DYM: variants seen among roughly 807,000 people sequenced by gnomAD.
The protein encoded by DYM is dymeclin.
In DYM, 78 loss-of-function variants were observed where a neutral mutation model predicts 93.1. That is an observed-to-expected ratio of 0.84 (90% CI 0.70 to 1.01). The LOEUF is 1.01. Among genes scored for constraint, DYM ranks in the 50% least tolerant of loss-of-function variants. The probability of loss-of-function intolerance (pLI) is 0.00; values close to 1 mark genes in which losing one functional copy is unlikely to be tolerated. For missense variants in DYM, 789 were observed against 845.0 expected, an observed-to-expected ratio of 0.93 and a Z score of 0.82; for synonymous variants, 321 against 319.7, an observed-to-expected ratio of 1.00 and a Z score of -0.04.
chr18:49,259,011 C>T (rs934964371), intron 11 of DYM, among the ~76,000 whole-genome samples: 62 of 152,036 alleles, frequency 4.1e-4, no homozygotes, highest in Admixed American at 1.4e-3. Context: ...CAGGCTCAGC[C>T]GAGCACTAGA....
chr18:49,196,092 T>A (rs561727187), intron 14 of DYM, among the ~76,000 whole-genome samples: 11 of 151,772 alleles, frequency 7.2e-5, no homozygotes, highest in Admixed American at 2.6e-4. Context: ...ACCCGGCTAA[T>A]GTTTTGTATT....
At chr18:49,417,081 TG>T (rs2073077641) in intron 2 of DYM, among the ~76,000 whole-genome samples, 1 of 152,186 alleles carries the variant, frequency 6.6e-6, no homozygotes, top group Non-Finnish European at 1.5e-5. Flanking sequence ...AGAAGTCATC[TG>T]GCCACGTTTC....
chr18:49,440,516 A>T (rs2081271603), intron 1 of DYM, among the ~76,000 whole-genome samples: 1 of 51,260 alleles, frequency 2.0e-5, no homozygotes, highest in Non-Finnish European at 3.2e-5. Context: ...TATATTATAT[A>T]TTTATATAAT....
chr18:49,364,801 T>G (rs916768979), intron 5 of DYM, among the ~76,000 whole-genome samples: 2 of 152,132 alleles, frequency 1.3e-5, no homozygotes, highest in African/African-American at 4.8e-5. Context: ...ACATTCCCTC[T>G]GCCTGGAATA....
At chr18:49,124,229 G>A (rs1353591665) in intron 15 of DYM, among the ~76,000 whole-genome samples, 1 of 152,122 alleles carries the variant, frequency 6.6e-6, no homozygotes, top group Admixed American at 6.5e-5. Context: ...TTGAGGCTGG[G>A]TACAGCAGCT....
intron 2 of DYM, among the ~76,000 whole-genome samples, chr18:49,418,801 C>T (rs2073301302): frequency 6.6e-6 from 1 of 152,110 alleles, no homozygotes; most frequent in Non-Finnish European, 1.5e-5. Context: ...CACCTGCTAC[C>T]TCAAAGCCTA....
intron 1 of DYM, among the ~76,000 whole-genome samples, chr18:49,457,182 A>AG (rs2083054447): frequency 6.6e-6 from 1 of 152,194 alleles, no homozygotes; most frequent in East Asian, 1.9e-4. Flanking sequence ...TTCTGCCTGA[A>AG]GATATTCTCT....
intron 8 of DYM, among the ~76,000 whole-genome samples, chr18:49,297,467 A>C (rs2146092929): frequency 6.6e-6 from 1 of 152,312 alleles, no homozygotes; most frequent in Non-Finnish European, 1.5e-5. Flanking sequence ...GGAGTGCTGG[A>C]ATTATTTCAC....
At chr18:49,348,117 G>C (rs1282813382) in intron 6 of DYM, among the ~76,000 whole-genome samples, 1 of 152,184 alleles carries the variant, frequency 6.6e-6, no homozygotes, top group Non-Finnish European at 1.5e-5. Flanking sequence ...CATGAAATGG[G>C]TGTTAGTGTT....
At chr18:49,314,104 A>G (rs2061776144) in intron 8 of DYM, among the ~76,000 whole-genome samples, 1 of 152,178 alleles carries the variant, frequency 6.6e-6, no homozygotes, top group Non-Finnish European at 1.5e-5. Flanking sequence ...CCTATCAAAT[A>G]TTATTTTACA....
At chr18:49,325,881 C>T (rs1036240574) in intron 8 of DYM, among the ~76,000 whole-genome samples, 2 of 152,132 alleles carry the variant, frequency 1.3e-5, no homozygotes, top group African/African-American at 4.8e-5. Context: ...CAAGGGAATA[C>T]ACGAGGAGGG....
intron 13 of DYM, among the ~76,000 whole-genome samples, chr18:49,234,653 G>A (rs181660034): frequency 6.6e-6 from 1 of 152,276 alleles, no homozygotes; most frequent in African/African-American, 2.4e-5. Flanking sequence ...GCTCAAAGAT[G>A]TCTATGCCCT....
At chr18:49,212,814 GA>G (rs1040792303) in intron 13 of DYM, among the ~76,000 whole-genome samples, 29 of 147,666 alleles carry the variant, frequency 2.0e-4, no homozygotes, top group East Asian at 9.8e-4. Flanking sequence ...TTTTTAATCT[GA>G]AAAAAAAAAT....
chr18:49,193,769 T>C (rs1033716725), intron 14 of DYM, among the ~76,000 whole-genome samples: 2 of 152,230 alleles, frequency 1.3e-5, no homozygotes, highest in African/African-American at 4.8e-5. Context: ...TGTTGTGTGA[T>C]CACTGCCAAA....
chr18:49,087,646 G>A (rs1027971506), intron 17 of DYM, among the ~76,000 whole-genome samples: 1 of 152,206 alleles, frequency 6.6e-6, no homozygotes, highest in Non-Finnish European at 1.5e-5. Context: ...TAATGGGATT[G>A]CTGGGTCAAA....
chr18:49,155,708 A>G (rs985891531), intron 15 of DYM, among the ~76,000 whole-genome samples: 1 of 152,260 alleles, frequency 6.6e-6, no homozygotes, highest in African/African-American at 2.4e-5. Flanking sequence ...AGAATGTATC[A>G]GCATTTAATT....
At chr18:49,210,226 G>A (rs929568599) in intron 13 of DYM, among the ~76,000 whole-genome samples, 2 of 152,214 alleles carry the variant, frequency 1.3e-5, no homozygotes, top group Non-Finnish European at 1.5e-5. Flanking sequence ...CAAAAGAGTT[G>A]AAAACTTATA....
chr18:49,330,455 G>GT (rs2063228068), intron 8 of DYM, among the ~76,000 whole-genome samples: 1 of 152,012 alleles, frequency 6.6e-6, no homozygotes, highest in South Asian at 2.1e-4. Flanking sequence ...TTAAATTCAT[G>GT]TTTTTTGGCA....
At chr18:49,158,198 C>A (rs1175614382) in intron 15 of DYM, among the ~76,000 whole-genome samples, 1 of 152,196 alleles carries the variant, frequency 6.6e-6, no homozygotes, top group Non-Finnish European at 1.5e-5. Flanking sequence ...CTCACTTTCT[C>A]TTCTGACAAC....
Sources: allele counts gnomAD v4.1 joint callset (sites outside exome capture counted in the v4.1 genomes callset), GRCh38; gene constraint gnomAD v4.1.1; transcripts MANE v1.5; gene names NCBI Gene and HGNC (gene_info 2026-07-23, HGNC 2026-07-21).